Variants in STARD13 observed in about 807,000 individuals in gnomAD.
STARD13 encodes the protein stAR-related lipid transfer protein 13.
Under a neutral mutation model 106.4 loss-of-function variants are expected in STARD13, and 62 were observed. The observed-to-expected ratio is 0.58, with a 90% confidence interval of 0.48 to 0.72. STARD13 has a LOEUF of 0.72. Ranked by LOEUF, STARD13 falls within the 30% of genes least tolerant of loss-of-function variation. The pLI, the probability that STARD13 is intolerant of heterozygous loss-of-function variation, is 0.00. For synonymous variants in STARD13, 565 were observed against 553.0 expected, an observed-to-expected ratio of 1.02 and a Z score of -0.31; for missense variants, 1,387 against 1,424.0, an observed-to-expected ratio of 0.97 and a Z score of 0.42.
chr13:33,167,002 A>C (rs1309410627), intron 2 of STARD13, among the ~76,000 whole-genome samples: 5 of 136,752 alleles, frequency 3.7e-5, no homozygotes, highest in Non-Finnish European at 5.9e-5. Context: ...TCAAAAAAAA[A>C]CAAAAAAAAA....
downstream of STARD13, among the ~76,000 whole-genome samples, chr13:33,346,587 C>T (rs1470463923): frequency 6.6e-6 from 1 of 151,948 alleles, no homozygotes; most frequent in Non-Finnish European, 1.5e-5. Context: ...TCAGAATGCC[C>T]TAGATAGCAA....
chr13:33,482,002 G>GA, the STARD13 span, among the ~76,000 whole-genome samples: 8 of 147,568 alleles, frequency 5.4e-5, no homozygotes, highest in East Asian at 4.0e-4. Context: ...AAAAAAGAAA[G>GA]AAAAAAAAAG....
At chr13:33,128,257 A>T (rs1396356540) in intron 5 of STARD13, among the ~76,000 whole-genome samples, 4 of 152,012 alleles carry the variant, frequency 2.6e-5, no homozygotes, top group Non-Finnish European at 5.9e-5. Context: ...GCTGTAGAAA[A>T]TTTTCTCATT....
intron 12 of STARD13, among the ~76,000 whole-genome samples, chr13:33,109,018 T>G (rs1364511580): frequency 6.6e-6 from 1 of 152,198 alleles, no homozygotes; most frequent in Non-Finnish European, 1.5e-5. Context: ...AAAGAGCTCA[T>G]GTGAAAAGTA....
intron 7 of STARD13, among the ~76,000 whole-genome samples, chr13:33,119,261 A>G (rs1875885444): frequency 6.6e-6 from 1 of 152,160 alleles, no homozygotes; most frequent in South Asian, 2.1e-4. Flanking sequence ...AAATGCCTAT[A>G]GGGAGTTGAT....
chr13:33,589,782 TG>T, the STARD13 span, among the ~76,000 whole-genome samples: 2 of 152,202 alleles, frequency 1.3e-5, no homozygotes, highest in Non-Finnish European at 1.5e-5. Flanking sequence ...TCTGTTGATT[TG>T]GGGTGGAGAG....
At chr13:33,178,002 GAA>G (rs1884860929) in intron 1 of STARD13, among the ~76,000 whole-genome samples, 1 of 56,176 alleles carries the variant, frequency 1.8e-5, no homozygotes, top group East Asian at 4.1e-4. Flanking sequence ...AGGAAGGAAG[GAA>G]GGAAGGAAAG....
the STARD13 span, among the ~76,000 whole-genome samples, chr13:33,608,933 A>C: frequency 6.6e-6 from 1 of 151,774 alleles, no homozygotes; most frequent in African/African-American, 2.4e-5. Context: ...AAAAATACAA[A>C]AAATTAGCCG....
At chr13:33,492,338 A>T in the STARD13 span, among the ~76,000 whole-genome samples, 1 of 152,142 alleles carries the variant, frequency 6.6e-6, no homozygotes, top group Non-Finnish European at 1.5e-5. Flanking sequence ...ATTGATTCTG[A>T]GTTAAGTATT....
the STARD13 span, among the ~76,000 whole-genome samples, chr13:33,382,675 G>A: frequency 6.6e-6 from 1 of 152,170 alleles, no homozygotes; most frequent in Non-Finnish European, 1.5e-5. Context: ...ATTGGCTATA[G>A]CCTAGGCCTC....
chr13:33,334,725 C>T (rs905033786), intron 1 of STARD13, among the ~76,000 whole-genome samples: 1 of 152,152 alleles, frequency 6.6e-6, no homozygotes, highest in Non-Finnish European at 1.5e-5. Context: ...GAAAACATTC[C>T]ATGGCATAAG....
chr13:33,508,482 T>C, the STARD13 span, among the ~76,000 whole-genome samples: 2 of 152,320 alleles, frequency 1.3e-5, no homozygotes, highest in African/African-American at 4.8e-5. Flanking sequence ...ATCTTTGGCC[T>C]TTCTAGTCAG....
At chr13:33,174,225 G>A (rs17078703) in intron 1 of STARD13, among the ~76,000 whole-genome samples, 4,616 of 151,932 alleles carry the variant, frequency 0.03, 204 homozygotes, top group African/African-American at 0.1. Context: ...AAACAAATAC[G>A]TTACACATAT....
chr13:33,571,574 C>G, the STARD13 span, among the ~76,000 whole-genome samples: 2 of 152,274 alleles, frequency 1.3e-5, no homozygotes, highest in Non-Finnish European at 2.9e-5. Context: ...AGGCCACACT[C>G]TTTCCCCATC....
upstream of STARD13, among the ~76,000 whole-genome samples, chr13:33,288,633 A>G: frequency 6.6e-6 from 1 of 151,760 alleles, no homozygotes; most frequent in East Asian, 1.9e-4. Flanking sequence ...AAAAAAAGCC[A>G]ACTTAGAATG....
At chr13:33,259,711 T>G (rs566694163) in intron 1 of STARD13, among the ~76,000 whole-genome samples, 1 of 152,270 alleles carries the variant, frequency 6.6e-6, no homozygotes, top group South Asian at 2.1e-4. Flanking sequence ...TTACCAATAT[T>G]CCAAATTTAA....
chr13:33,392,731 A>G, the STARD13 span, among the ~76,000 whole-genome samples: 1 of 152,192 alleles, frequency 6.6e-6, no homozygotes, highest in African/African-American at 2.4e-5. Flanking sequence ...ATTCTATCAC[A>G]TCATTGTATT....
chr13:33,551,034 G>A, the STARD13 span, among the ~76,000 whole-genome samples: 1 of 152,172 alleles, frequency 6.6e-6, no homozygotes, highest in Non-Finnish European at 1.5e-5. Flanking sequence ...AAGGGTATCT[G>A]CAGATCTTTC....
intron 1 of STARD13, among the ~76,000 whole-genome samples, chr13:33,204,364 C>A (rs1887262221): frequency 6.6e-6 from 1 of 152,156 alleles, no homozygotes; most frequent in Admixed American, 6.5e-5. Flanking sequence ...ACAGAGTGTA[C>A]AAAGAACTCT....
Sources: gnomAD v4.1 joint callset for allele counts (sites outside exome capture counted in the v4.1 genomes callset) on GRCh38, gnomAD v4.1.1 for gene constraint, MANE v1.5 for transcripts, NCBI Gene and HGNC (gene_info 2026-07-23, HGNC 2026-07-21) for gene names.